The following ROR2 variants were observed in gnomAD, a reference collection of about 807,000 sequenced individuals.
ROR2 encodes ROR family WNT receptor 2.
In ROR2, 33 loss-of-function variants were observed where a neutral mutation model predicts 74.9. The observed-to-expected ratio is 0.44, with a 90% CI of 0.33 to 0.59. The LOEUF (loss-of-function observed/expected upper bound fraction) is 0.59, where lower values mean the gene tolerates loss of function less well. Among genes scored for constraint, ROR2 ranks in the 20% least tolerant of loss-of-function variants. The pLI is 0.02. For missense variants in ROR2, 1,216 were observed against 1,313.8 expected (o/e 0.93, Z 1.15); for synonymous variants, 586 against 558.7 (o/e 1.05, Z -0.69).
At chr9:91,933,849 G>A (rs1230207075) in intron 1 of ROR2, among the ~76,000 whole-genome samples, 2 of 152,156 alleles carry the variant, frequency 1.3e-5, no homozygotes, top group Non-Finnish European at 2.9e-5. Context: ...AGGCGGGGAC[G>A]GGGAAATGGG....
At chr9:91,819,827 G>A (rs1828085036) in intron 1 of ROR2, among the ~76,000 whole-genome samples, 1 of 152,030 alleles carries the variant, frequency 6.6e-6, no homozygotes, top group South Asian at 2.1e-4. Context: ...GTCTGTCTTT[G>A]AATGTCATTG....
chr9:91,840,568 G>T (rs1008886455), intron 1 of ROR2, among the ~76,000 whole-genome samples: 1 of 152,222 alleles, frequency 6.6e-6, no homozygotes, highest in African/African-American at 2.4e-5. Context: ...TGGATCCCCA[G>T]CTGGGGGCCT....
intron 1 of ROR2, among the ~76,000 whole-genome samples, chr9:91,944,296 C>G (rs961079743): frequency 3.3e-5 from 5 of 152,152 alleles, no homozygotes; most frequent in African/African-American, 9.7e-5. Flanking sequence ...CTTATGGGAC[C>G]ACTGTCATAT....
intron 1 of ROR2, among the ~76,000 whole-genome samples, chr9:91,853,863 G>A (rs1327849463): frequency 6.6e-6 from 1 of 152,226 alleles, no homozygotes; most frequent in Non-Finnish European, 1.5e-5. Flanking sequence ...CTAAAAGGAA[G>A]CAGCAAGCTG....
rs34687056 is a variant in ROR2, at chr9:91,829,549, C to CAAAAAAAAAAA, written c.98-53742_98-53732dup. Among the ~76,000 whole-genome samples the CAAAAAAAAAAA allele has an allele frequency of 7.3e-3, 297 of 40,496 alleles. 51 individuals are homozygous for CAAAAAAAAAAA. The highest frequency in any genetic ancestry group is 0.012 in the African/African-American group (126 of 10,194). 26.6% of individuals were successfully genotyped at this position (40,496 alleles called of 152,430 possible). A position where few individuals can be genotyped will look rare whatever the true frequency, so the allele number is the denominator to read the frequency against. On this transcript the variant is annotated intron_variant, in intron 1 of 8. Transcript: ENST00000375708. The stretch of plus-strand genomic sequence containing the variant: ...TGGGTGACACAGCGAGACTCCGTCT[C>CAAAAAAAAAAA]AAAAAAAAAAAAAAAAAAAAAAAAG...
intron 4 of ROR2, 136 bp from the exon 5 acceptor site, chr9:91,737,654 G>A (rs2118729858): frequency 1.7e-6 from 2 of 1,166,282 alleles, no homozygotes; most frequent in South Asian, 1.3e-5. Flanking sequence ...TAAATAAGTA[G>A]AACACATAAG....
Position 91,907,984 on chromosome 9 carries a change from A to G in ROR2, c.97+41883T>C, listed in dbSNP as rs566176615. The stretch of plus-strand genomic sequence containing the variant: ...AGGTGACTATCTGGTCTTCAGGGAA[A>G]CATCCAGGACTTGTGATGACACTAA... On this transcript the variant is annotated intron_variant, in intron 1 of 8. Transcript: ENST00000375708. 2.0e-3 allele frequency among the ~76,000 whole-genome samples: 304 copies of G among 152,320 alleles called. 3 individuals are homozygous for G. The highest frequency in any genetic ancestry group is 3.7e-3 in the South Asian group (18 of 4,826).
chr9:91,795,676 T>G (rs1476554934), intron 1 of ROR2, among the ~76,000 whole-genome samples: 1 of 152,204 alleles, frequency 6.6e-6, no homozygotes, highest in African/African-American at 2.4e-5. Context: ...GAGGCCTTTT[T>G]ATTTTCACAG....
intron 1 of ROR2, among the ~76,000 whole-genome samples, chr9:91,788,543 A>C (rs908338240): frequency 8.0e-6 from 1 of 124,414 alleles, no homozygotes; most frequent in East Asian, 2.0e-4. Flanking sequence ...GTGTTGGGGA[A>C]AAAAAAAAAA....
At chr9:91,933,855 A>G (rs1468952063) in intron 1 of ROR2, among the ~76,000 whole-genome samples, 1 of 152,186 alleles carries the variant, frequency 6.6e-6, no homozygotes, top group Non-Finnish European at 1.5e-5. Context: ...GGACGGGGAA[A>G]TGGGGAGTGA....
intron 1 of ROR2, among the ~76,000 whole-genome samples, chr9:91,803,861 C>T (rs527700006): frequency 6.6e-6 from 1 of 152,356 alleles, no homozygotes; most frequent in East Asian, 1.9e-4. Flanking sequence ...CTGTGCAAGT[C>T]CTGCTTCATG....
Position 91,807,948 on chromosome 9 carries a change from G to A in ROR2, c.98-32130C>T, listed in dbSNP as rs545899121. On this transcript the variant is annotated intron_variant, in intron 1 of 8. Coordinates refer to ENST00000375708, the MANE Select transcript of ROR2 (RefSeq NM_004560.4). ...GATGAATGCCTCTTGCACCAGCTAA[G>A]ACTTGTGCTCACCCAGGGCTAGCTC... 5.3e-5 allele frequency among the ~76,000 whole-genome samples: 8 copies of A among 152,244 alleles called. No homozygotes were observed. The East Asian group carries it at 7.7e-4, about 15-fold the overall frequency.
At chr9:91,856,975 G>GT (rs980335546) in intron 1 of ROR2, among the ~76,000 whole-genome samples, 1 of 152,200 alleles carries the variant, frequency 6.6e-6, no homozygotes, top group Non-Finnish European at 1.5e-5. Flanking sequence ...CCTACTACTG[G>GT]TAAGTGGCAG....
At chr9:91,746,756 A>G (rs1825433418) in intron 4 of ROR2, among the ~76,000 whole-genome samples, 1 of 152,230 alleles carries the variant, frequency 6.6e-6, no homozygotes, top group South Asian at 2.1e-4. Flanking sequence ...TGTTCCCATA[A>G]GAAAATAACA....
At chr9:91,726,892 A>G in intron 7 of ROR2, 149 bp from the exon 8 acceptor site, 2 of 778,036 alleles carry the variant, frequency 2.6e-6, no homozygotes. Flanking sequence ...AGGGCACACC[A>G]CACCTTAAAA....
intron 1 of ROR2, among the ~76,000 whole-genome samples, chr9:91,944,490 T>C (rs149016273): frequency 5.8e-4 from 88 of 152,344 alleles, no homozygotes; most frequent in African/African-American, 1.8e-3. Context: ...AAAATGCTAT[T>C]TGAGCTAATA....
rs114742394 is a variant in ROR2 at position 91,871,516 on chromosome 9, G to A, written c.97+78351C>T. ...TTTCCATTTTAAATTCTTGCGACAG[G>A]TTGTATTTTCCAAAGAAGGCTACAA... On this transcript the variant is annotated intron_variant, in intron 1 of 8. Coordinates refer to ENST00000375708, the MANE Select transcript of ROR2 (RefSeq NM_004560.4). 1.6e-3 allele frequency among the ~76,000 whole-genome samples: 247 copies of A among 152,252 alleles called. 1 individual carries two copies. The highest frequency in any genetic ancestry group is 5.6e-3 in the African/African-American group (233 of 41,534).
intron 1 of ROR2, among the ~76,000 whole-genome samples, chr9:91,927,326 C>T (rs1458266217): frequency 2.6e-5 from 4 of 152,210 alleles, no homozygotes; most frequent in Non-Finnish European, 5.9e-5. Flanking sequence ...CAAACCATTA[C>T]ACAGGTAAGT....
chr9:91,731,870 A>G (rs1420412520), intron 6 of ROR2, among the ~76,000 whole-genome samples: 1 of 152,152 alleles, frequency 6.6e-6, no homozygotes, highest in Non-Finnish European at 1.5e-5. Context: ...AGCCAAGATT[A>G]TGCCACTGCA....
Sources: gnomAD v4.1 joint callset for allele counts (sites outside exome capture counted in the v4.1 genomes callset) on GRCh38, gnomAD v4.1.1 for gene constraint, MANE v1.5 for transcripts, NCBI Gene and HGNC (gene_info 2026-07-23, HGNC 2026-07-21) for gene names.